The following RIMS3 variants were observed in gnomAD, a reference collection of about 807,000 sequenced individuals.
RIMS3 encodes regulating synaptic membrane exocytosis 3, also known as regulating synaptic membrane exocytosis protein 3.
In RIMS3, 15 loss-of-function variants were observed where a neutral mutation model predicts 29.2. The observed-to-expected ratio is 0.51, with a 90% CI of 0.34 to 0.79. The LOEUF (loss-of-function observed/expected upper bound fraction) is 0.79. Ranked by LOEUF, RIMS3 falls within the 30% of genes least tolerant of loss-of-function variation. RIMS3 has a pLI of 0.01. For synonymous variants in RIMS3, 161 were observed against 170.1 expected (o/e 0.95, Z 0.41); for missense variants, 342 against 421.4 (o/e 0.81, Z 1.65).
Position 40,647,734 on chromosome 1 carries a change from G to A in RIMS3, c.-98C>T, listed in dbSNP as rs1422949478. On this transcript the variant is annotated 5_prime_UTR_variant, in exon 2 of 8. Coordinates refer to ENST00000372684, the MANE Select transcript of RIMS3 (RefSeq NM_014747.3). ...GCTGCCTCCCAACAGCACACCCCTAGGGCATTTGCACAAGGCTTCAATTGA... is the reference window on the plus strand; with the variant it reads ...GCTGCCTCCCAACAGCACACCCCTAAGGCATTTGCACAAGGCTTCAATTGA... 6.6e-6 allele frequency: 1 copy of A among 152,160 alleles called. No homozygotes were observed. The highest frequency in any genetic ancestry group is 1.5e-5 in the Non-Finnish European group (1 of 68,034). 9.4% of individuals were successfully genotyped at this position (152,160 alleles called of 1,614,324 possible).
chr1:40,647,924 A>T (rs1212743672), intron 1 of RIMS3, 82 bp from the exon 2 acceptor site: 1 of 152,206 alleles, frequency 6.6e-6, no homozygotes, highest in Non-Finnish European at 1.5e-5. Flanking sequence ...GTGGCATAAA[A>T]AGATAGACTT....
chr1:40,665,222 C>T (rs1642406689), intron 1 of RIMS3, among the ~76,000 whole-genome samples, 172 bp downstream of exon 1: 2 of 151,942 alleles, frequency 1.3e-5, no homozygotes, highest in Non-Finnish European at 2.9e-5. Context: ...TCCCTTAGTC[C>T]CCTCCCCAGA....
intron 2 of RIMS3, among the ~76,000 whole-genome samples, chr1:40,644,123 C>A (rs1446296311): frequency 6.6e-6 from 1 of 152,212 alleles, no homozygotes; most frequent in Non-Finnish European, 1.5e-5. Context: ...GAGGGCTAAG[C>A]CCTAGGACAA....
intron 1 of RIMS3, among the ~76,000 whole-genome samples, chr1:40,652,456 A>T (rs1379200430): frequency 1.3e-5 from 2 of 152,134 alleles, no homozygotes; most frequent in African/African-American, 4.8e-5. Flanking sequence ...AACAGTGAAC[A>T]CTTCAGGGTG....
chr1:40,629,385 A>G lies in RIMS3; in HGVS notation c.473-13T>C. ...ATGTGCACATCTCCTGAAAGGAAGA[A>G]GAGGGTGAGTCCAGGCAGGGCCAGA... On this transcript the variant is annotated splice_polypyrimidine_tract_variant and intron_variant, in intron 5 of 7. Coordinates refer to ENST00000372684, the MANE Select transcript of RIMS3 (RefSeq NM_014747.3). The G allele has an allele frequency of 6.2e-7, 1 of 1,610,726 alleles. No individual in the cohort carries two copies.
At chr1:40,643,793 C>A (rs1166471388) in intron 2 of RIMS3, among the ~76,000 whole-genome samples, 1 of 152,074 alleles carries the variant, frequency 6.6e-6, no homozygotes, top group Non-Finnish European at 1.5e-5. Flanking sequence ...CATCTTTCTA[C>A]ATGGATTTTG....
At chr1:40,653,760 C>A (rs1196975332) in intron 1 of RIMS3, among the ~76,000 whole-genome samples, 1 of 152,132 alleles carries the variant, frequency 6.6e-6, no homozygotes, top group Non-Finnish European at 1.5e-5. Context: ...TGGATCAAAG[C>A]CTTATTACCG....
chr1:40,688,962 G>T, the RIMS3 span, among the ~76,000 whole-genome samples: 1 of 152,074 alleles, frequency 6.6e-6, no homozygotes, highest in Non-Finnish European at 1.5e-5. Flanking sequence ...GTTTTGTTTT[G>T]TTTGGTCATG....
chr1:40,644,290 C>T (rs1646580261), intron 2 of RIMS3, among the ~76,000 whole-genome samples: 1 of 152,224 alleles, frequency 6.6e-6, no homozygotes, highest in African/African-American at 2.4e-5. Context: ...CCAAAAGCAT[C>T]CTACCTGATG....
chr1:40,670,574 T>TTATTTATATATATATATA (rs1553146614), upstream of RIMS3, among the ~76,000 whole-genome samples: 3 of 71,210 alleles, frequency 4.2e-5, no homozygotes, highest in Admixed American at 5.7e-4. Context: ...AGTTATAATT[T>TTATTTATATATATATATA]TATATATATA....
the RIMS3 span, among the ~76,000 whole-genome samples, chr1:40,687,072 C>A: frequency 0.12 from 18,605 of 151,278 alleles, 1,265 homozygotes; most frequent in African/African-American, 0.15. Flanking sequence ...TGGGTATATA[C>A]CCCCAATAAT....
chr1:40,688,691 C>T, the RIMS3 span, among the ~76,000 whole-genome samples: 2 of 152,172 alleles, frequency 1.3e-5, no homozygotes, highest in East Asian at 3.8e-4. Context: ...GAGATATTCC[C>T]ATCCACTACA....
At chr1:40,630,727 C>T (rs1017635952) in intron 5 of RIMS3, among the ~76,000 whole-genome samples, 6 of 152,204 alleles carry the variant, frequency 3.9e-5, no homozygotes, top group African/African-American at 2.4e-5. Flanking sequence ...CGAATGGTCC[C>T]GGCTGCCATG....
In RIMS3 at chr1:40,654,059, C is replaced by T. The variant is rs1393069351; in HGVS notation, c.-206-6217G>A. On this transcript the variant is annotated intron_variant, in intron 1 of 7. Coordinates refer to ENST00000372684, the MANE Select transcript of RIMS3 (RefSeq NM_014747.3). The surrounding 1 kb of genome is among the most constrained non-coding windows in gnomAD (Gnocchi z 5.3). ...ACAATCTCTCCCCCTCCCACACCCT[C>T]GCTGGGGGAGACACGGCAGTACCAC... Among the ~76,000 whole-genome samples, 2 of 152,058 alleles carry T rather than the reference C, an allele frequency of 1.3e-5. No homozygotes were observed. The highest frequency in any genetic ancestry group is 4.8e-5 in the African/African-American group (2 of 41,378).
upstream of RIMS3, among the ~76,000 whole-genome samples, chr1:40,667,719 A>G (rs1642442918): frequency 6.6e-6 from 1 of 152,242 alleles, no homozygotes; most frequent in Non-Finnish European, 1.5e-5. Context: ...AAAACATACT[A>G]TAAAGTCAAT....
At chr1:40,680,835 T>C in the RIMS3 span, among the ~76,000 whole-genome samples, 2 of 152,244 alleles carry the variant, frequency 1.3e-5, no homozygotes, top group Non-Finnish European at 2.9e-5. Flanking sequence ...CCTGCAATCA[T>C]ATTTGAAACA....
rs2148340421 is a variant in RIMS3 at position 40,623,115 on chromosome 1, G to A, written c.*3402C>T. ...ATTCCACAGAGGATGAGCTCTATGGGTGGCCTTTCTTGGAGCTCCTGGGTT... is the reference window on the plus strand; with the variant it reads ...ATTCCACAGAGGATGAGCTCTATGGATGGCCTTTCTTGGAGCTCCTGGGTT... On this transcript the variant is annotated 3_prime_UTR_variant, in exon 8 of 8. Coordinates refer to ENST00000372684, the MANE Select transcript of RIMS3 (RefSeq NM_014747.3). 1 of 302,192 alleles carries A rather than the reference G, an allele frequency of 3.3e-6. No individual in the cohort carries two copies. The highest frequency in any genetic ancestry group is 1.6e-4 in the South Asian group (1 of 6,106). 18.7% of individuals were successfully genotyped at this position (302,192 alleles called of 1,614,324 possible).
chr1:40,656,040 CAG>C (rs1642268455), intron 1 of RIMS3, among the ~76,000 whole-genome samples: 1 of 151,946 alleles, frequency 6.6e-6, no homozygotes, highest in Non-Finnish European at 1.5e-5. Flanking sequence ...AACAAATCTA[CAG>C]ACTCTTGTAC....
the RIMS3 span, chr1:40,691,677 G>C: frequency 2.2e-6 from 1 of 449,920 alleles, no homozygotes; most frequent in Non-Finnish European, 4.5e-6. Flanking sequence ...GGCGCCAAGG[G>C]AGGGGGAAGG....
Sources: gnomAD v4.1 joint callset for allele counts (sites outside exome capture counted in the v4.1 genomes callset) on GRCh38, gnomAD v4.1.1 for gene constraint, Gnocchi (gnomAD v3.1) non-coding constraint, MANE v1.5 for transcripts, NCBI Gene and HGNC (gene_info 2026-07-23, HGNC 2026-07-21) for gene names.